CEMIP2: variants seen among roughly 807,000 people sequenced by gnomAD.
The protein encoded by CEMIP2 is cell surface hyaluronidase CEMIP2.
Under a neutral mutation model 146.9 loss-of-function variants are expected in CEMIP2, and 79 were observed. The observed-to-expected ratio is 0.54, with a 90% confidence interval of 0.45 to 0.65. CEMIP2 has a LOEUF of 0.65. CEMIP2 is among the 30% of genes least tolerant of loss of function. CEMIP2 has a pLI of 0.00. For synonymous variants in CEMIP2, 601 were observed against 606.3 expected, an observed-to-expected ratio of 0.99 and a Z score of 0.13; for missense variants, 1,596 against 1,696.2, an observed-to-expected ratio of 0.94 and a Z score of 1.04.
At position 71,704,814 on chromosome 9, in the gene CEMIP2, T is replaced by C; in HGVS notation, c.2986-11A>G. 6.2e-7 allele frequency: 1 copy of C among 1,610,406 alleles called. No individual in the cohort carries two copies. The highest frequency in any genetic ancestry group is 8.5e-7 in the Non-Finnish European group (1 of 1,177,174). Reference sequence around the variant, plus strand: ...TGTCTGTACATAGACCTTGAAAAAATAATCAAGAAGTAAAGGGAAGAGAAT... The same window carrying C: ...TGTCTGTACATAGACCTTGAAAAAACAATCAAGAAGTAAAGGGAAGAGAAT... On this transcript the variant is annotated splice_polypyrimidine_tract_variant and intron_variant, in intron 17 of 23. Transcript: ENST00000377044.
chr9:71,718,603 G>T (rs968107501), intron 12 of CEMIP2, among the ~76,000 whole-genome samples: 3 of 151,900 alleles, frequency 2.0e-5, no homozygotes, highest in African/African-American at 2.4e-5. Context: ...TTGAGACAGA[G>T]TCTCACTCTG....
chr9:71,741,185 ATTTTTTTTTTTTTTTT>A (rs79872255), intron 4 of CEMIP2, among the ~76,000 whole-genome samples: 1 of 72,206 alleles, frequency 1.4e-5, no homozygotes, highest in African/African-American at 6.3e-5. Flanking sequence ...ACTGAGTTAG[ATTTTTTTTTTTTTTTT>A]TTTTTTTTTT....
Position 71,690,136 on chromosome 9 carries a change from A to T in CEMIP2, c.3807T>A (p.Asp1269Glu). 6.2e-7 allele frequency: 1 copy of T among 1,614,176 alleles called. No homozygotes were observed. Among genetic ancestry groups the T allele is most frequent in the Admixed American group, 1.7e-5 (1 of 60,026 alleles). ...TTAAATACTCTTCAATGCGACTGAC[A>T]TCAGCAAGAGGAAAAACCGTTTTTT... ...LTEKTVFPLA[D>E]VSRIEEYLKT... The change falls in exon 22 of 24, where the codon GAT becomes GAA. Residue 1269 changes from aspartate (D) to glutamate (E), a missense_variant. Transcript: ENST00000377044.
chr9:71,769,043 G>A (rs761417179), upstream of CEMIP2, among the ~76,000 whole-genome samples: 51 of 152,034 alleles, frequency 3.4e-4, no homozygotes, highest in Non-Finnish European at 5.9e-4. Context: ...AGCGCCACTC[G>A]CTGCCGCGCG....
At position 71,712,210 on chromosome 9, in the gene CEMIP2, G is replaced by T. The variant is rs747604237; in HGVS notation, c.2642C>A (p.Thr881Lys). ...FQIYDGPIHLTRSTFKKYVPT... is the reference protein window; with the variant it reads ...FQIYDGPIHLKRSTFKKYVPT... ...CACATATTTTTTGAAAGTGCTCCTT[G>T]TGAGATGAATGGGCCCATCATAAAT... is the stretch of plus-strand genomic sequence containing the variant. Residue 881 changes from threonine (T) to lysine (K), a missense_variant, in exon 16 of 24, where the codon ACA becomes AAA. By Grantham distance (78) the Thr-to-Lys change is moderately conservative (BLOSUM62 -1). Transcript: ENST00000377044. 6.2e-7 allele frequency: 1 copy of T among 1,614,158 alleles called. No individual in the cohort carries two copies. Among genetic ancestry groups the T allele is most frequent in the Non-Finnish European group, 8.5e-7 (1 of 1,180,008 alleles).
intron 4 of CEMIP2, 88 bp downstream of exon 4, chr9:71,744,930 G>T: frequency 7.2e-7 from 1 of 1,392,350 alleles, no homozygotes; most frequent in Non-Finnish European, 9.7e-7. Context: ...CCTGAGTCAT[G>T]CTGTGGCTGT....
chr9:71,737,005 CA>C (rs946555149), intron 5 of CEMIP2, among the ~76,000 whole-genome samples: 33 of 151,526 alleles, frequency 2.2e-4, no homozygotes, highest in Non-Finnish European at 4.6e-4. Flanking sequence ...TTCATCTCTA[CA>C]AAAAAATCAA....
chr9:71,715,063 C>A lies in CEMIP2; in HGVS notation c.2462G>T (p.Gly821Val), dbSNP rs780396951. 3.1e-6 allele frequency: 5 copies of A among 1,613,744 alleles called. No homozygotes were observed. Among genetic ancestry groups the A allele is most frequent in the African/African-American group, 2.7e-5 (2 of 74,890 alleles). ...ASDGSFPSDEGSSQEVSESLF... is the reference protein window; with the variant it reads ...ASDGSFPSDEVSSQEVSESLF... ...AGATTCAGATACCTCTTGGCTGGAACCTTCATCACTTGGGAAGCTTCCATC... is the reference window on the plus strand; with the variant it reads ...AGATTCAGATACCTCTTGGCTGGAAACTTCATCACTTGGGAAGCTTCCATC... The change falls in exon 15 of 24, where the codon GGT (glycine) becomes GTT (valine). Residue 821 changes from glycine (G) to valine (V), a missense_variant. Physicochemically the swap from Gly to Val is moderately radical, Grantham distance 109 (BLOSUM62 -3). Coordinates refer to ENST00000377044, the MANE Select transcript of CEMIP2 (RefSeq NM_013390.3).
Position 71,728,280 on chromosome 9 carries a change from T to TAC in CEMIP2, c.2049+1564_2049+1565insGT, listed in dbSNP as rs1491467360. ...ATACACGTATATATATATATATATA[T>TAC]GTATATATATATATATATATACATA... On this transcript the variant is annotated intron_variant, in intron 10 of 23. Coordinates refer to ENST00000377044, the MANE Select transcript of CEMIP2 (RefSeq NM_013390.3). Among the ~76,000 whole-genome samples the TAC allele has an allele frequency of 3.7e-3, 47 of 12,644 alleles. 10 individuals are homozygous for TAC. The highest frequency in any genetic ancestry group is 9.0e-3 in the East Asian group (2 of 222). The allele number at this position is 12,644 out of a possible 152,430, so 8.3% of individuals were successfully genotyped here.
At chr9:71,723,663 T>C (rs1823305450) in intron 11 of CEMIP2, among the ~76,000 whole-genome samples, 1 of 152,230 alleles carries the variant, frequency 6.6e-6, no homozygotes, top group Non-Finnish European at 1.5e-5. Context: ...GTTTTATTTA[T>C]GTCCATAAGA....
At chr9:71,713,880 TATC>T (rs1822976191) in intron 15 of CEMIP2, among the ~76,000 whole-genome samples, 1 of 152,194 alleles carries the variant, frequency 6.6e-6, no homozygotes, top group Non-Finnish European at 1.5e-5. Context: ...GGGCCTGACA[TATC>T]ATAAGCATTT....
At chr9:71,755,439 C>T (rs182684841) in intron 1 of CEMIP2, among the ~76,000 whole-genome samples, 18 of 151,146 alleles carry the variant, frequency 1.2e-4, no homozygotes, top group Non-Finnish European at 2.4e-4. Flanking sequence ...ACTCCGGAGG[C>T]GGAGGCAGTG....
In CEMIP2 at chr9:71,729,773, A is replaced by G. The variant is rs1564013652; in HGVS notation, c.2049+72T>C. On this transcript the variant is annotated intron_variant, in intron 10 of 23. Coordinates refer to ENST00000377044, the MANE Select transcript of CEMIP2 (RefSeq NM_013390.3). ...GTTACACTGGCACACATGACATTAA[A>G]TCCAAATAAACCAGACTATTTATAA... 20 of 1,482,888 alleles carry G rather than the reference A, an allele frequency of 1.3e-5. No homozygotes were observed. In the Middle Eastern group the frequency reaches 5.2e-4, roughly 38 times the overall value. 91.9% of individuals were successfully genotyped at this position (1,482,888 alleles called of 1,614,324 possible). A position where few individuals can be genotyped will look rare whatever the true frequency, so the allele number is the denominator to read the frequency against.
At chr9:71,729,819 T>A in intron 10 of CEMIP2, 26 bp downstream of exon 10, 1 of 1,606,224 alleles carries the variant, frequency 6.2e-7, no homozygotes, top group Non-Finnish European at 8.5e-7. Context: ...CATTAAAACA[T>A]CTGAGGTCAC....
chr9:71,742,871 G>A (rs925954025), intron 4 of CEMIP2, among the ~76,000 whole-genome samples: 3 of 152,108 alleles, frequency 2.0e-5, no homozygotes, highest in Non-Finnish European at 2.9e-5. Context: ...CCACTCAGAT[G>A]GCCACCAATA....
intron 4 of CEMIP2, 58 bp from the exon 5 acceptor site, chr9:71,740,290 T>C: frequency 2.5e-6 from 4 of 1,578,846 alleles, no homozygotes; most frequent in Non-Finnish European, 3.4e-6. Context: ...ACAAAATCCC[T>C]GACAAAGATG....
chr9:71,707,443 C>G (rs749873297), intron 17 of CEMIP2, among the ~76,000 whole-genome samples: 4 of 152,094 alleles, frequency 2.6e-5, no homozygotes, highest in Non-Finnish European at 5.9e-5. Context: ...CGTCTTTATT[C>G]CTCTTAAGCC....
intron 18 of CEMIP2, among the ~76,000 whole-genome samples, chr9:71,701,249 G>A (rs561885809): frequency 6.6e-6 from 1 of 152,178 alleles, no homozygotes; most frequent in Non-Finnish European, 1.5e-5. Context: ...GGGATTACAG[G>A]GGCACAACAC....
chr9:71,743,736 G>C (rs1340803921), intron 4 of CEMIP2, among the ~76,000 whole-genome samples: 1 of 152,048 alleles, frequency 6.6e-6, no homozygotes, highest in Non-Finnish European at 1.5e-5. Context: ...AGCATCCATG[G>C]GTATCCAGCA....
Sources: gnomAD v4.1 joint callset for allele counts (sites outside exome capture counted in the v4.1 genomes callset) on GRCh38, gnomAD v4.1.1 for gene constraint, MANE v1.5 for transcripts, NCBI Gene and HGNC (gene_info 2026-07-23, HGNC 2026-07-21) for gene names.